The following ASTN2 variants were observed in gnomAD, a reference collection of about 807,000 sequenced individuals.
ASTN2 encodes astrotactin-2.
A neutral mutation model predicts 139.8 loss-of-function variants in ASTN2; 54 were observed. The observed-to-expected ratio is 0.39, with a 90% CI of 0.31 to 0.48. The LOEUF (loss-of-function observed/expected upper bound fraction) is 0.48. Among genes scored for constraint, ASTN2 ranks in the 20% least tolerant of loss-of-function variants. ASTN2 has a pLI of 0.95. For synonymous variants in ASTN2, 756 were observed against 719.5 expected (o/e 1.05, Z -0.81); for missense variants, 1,565 against 1,725.1 (o/e 0.91, Z 1.64).
chr9:116,894,206 C>T (rs539175096), intron 10 of ASTN2, among the ~76,000 whole-genome samples: 26 of 152,228 alleles, frequency 1.7e-4, no homozygotes, highest in African/African-American at 4.6e-4. Flanking sequence ...TGCCCCTGAA[C>T]CCAGAGTTTA....
At chr9:116,693,308 G>C (rs912498608) in intron 16 of ASTN2, among the ~76,000 whole-genome samples, 1 of 152,164 alleles carries the variant, frequency 6.6e-6, no homozygotes. Context: ...ACAGTGCTAA[G>C]ATATGATCTC....
At chr9:117,305,576 T>A (rs1587930976) in intron 1 of ASTN2, among the ~76,000 whole-genome samples, 2 of 152,288 alleles carry the variant, frequency 1.3e-5, no homozygotes, top group African/African-American at 4.8e-5. Context: ...ACTTTCATCA[T>A]ATAAACTGGT....
rs373378069 is a variant in ASTN2 at position 117,180,767 on chromosome 9, C to T, written c.1015+33591G>A. The stretch of plus-strand genomic sequence containing the variant: ...CTGGGGATGTACTTGACCCCACAGC[C>T]ATCAGGGATGAGCTGCTTCTCAGCC... On this transcript the variant is annotated intron_variant, in intron 3 of 22. Coordinates refer to ENST00000313400, the MANE Select transcript of ASTN2 (RefSeq NM_001365068.1). 157 of 1,566,042 alleles carry T rather than the reference C, an allele frequency of 1.0e-4. 1 individual carries two copies. In the East Asian group the frequency reaches 1.8e-3, roughly 18 times the overall value.
rs4838245 is a variant in ASTN2, at chr9:117,149,456, C to A, written c.1016-7978G>T. On this transcript the variant is annotated intron_variant, in intron 3 of 22. Coordinates refer to ENST00000313400, the MANE Select transcript of ASTN2 (RefSeq NM_001365068.1). ...GTTTGTGTGTGTGTGTGTATGTGTTCATGTCTTCTTGGTTCTGTTTCTCTA... is the reference window on the plus strand; with the variant it reads ...GTTTGTGTGTGTGTGTGTATGTGTTAATGTCTTCTTGGTTCTGTTTCTCTA... Among the ~76,000 whole-genome samples, 21 of 152,282 alleles carry A rather than the reference C, an allele frequency of 1.4e-4. No individual in the cohort carries two copies. In the East Asian group the frequency reaches 4.1e-3, roughly 29 times the overall value.
intron 1 of ASTN2, among the ~76,000 whole-genome samples, chr9:117,329,947 G>A (rs565865571): frequency 4.6e-5 from 7 of 152,244 alleles, no homozygotes; most frequent in African/African-American, 1.4e-4. Flanking sequence ...AATGGGAACT[G>A]TTATCGTTCT....
At chr9:116,972,193 C>A (rs1345622268) in intron 10 of ASTN2, among the ~76,000 whole-genome samples, 3 of 115,000 alleles carry the variant, frequency 2.6e-5, no homozygotes, top group African/African-American at 9.7e-5. Flanking sequence ...AATTAGTTTA[C>A]TCATTAATGA....
intron 13 of ASTN2, among the ~76,000 whole-genome samples, chr9:116,785,831 T>C (rs534771122): frequency 1.3e-5 from 2 of 152,282 alleles, no homozygotes; most frequent in East Asian, 3.9e-4. Context: ...GGAACTGCTT[T>C]CCCTGATTTC....
chr9:116,671,982 A>G (rs1223368835), intron 16 of ASTN2, among the ~76,000 whole-genome samples: 1 of 152,296 alleles, frequency 6.6e-6, no homozygotes, highest in Non-Finnish European at 1.5e-5. Context: ...GTGAGAGGGG[A>G]AAAAAAGTGT....
At chr9:116,444,539 G>T (rs1183005718) in intron 20 of ASTN2, among the ~76,000 whole-genome samples, 1 of 151,986 alleles carries the variant, frequency 6.6e-6, no homozygotes, top group Non-Finnish European at 1.5e-5. Flanking sequence ...GCTCCCACTC[G>T]CAGGCTCAGG....
At chr9:117,056,896 G>GT (rs1170349768) in intron 5 of ASTN2, among the ~76,000 whole-genome samples, 1 of 152,196 alleles carries the variant, frequency 6.6e-6, no homozygotes, top group Non-Finnish European at 1.5e-5. Context: ...TCCATTACTA[G>GT]TTGAGAATGC....
At chr9:117,184,736 C>T (rs186575454) in intron 3 of ASTN2, among the ~76,000 whole-genome samples, 1 of 152,246 alleles carries the variant, frequency 6.6e-6, no homozygotes, top group East Asian at 1.9e-4. Flanking sequence ...ACTCAGCTTC[C>T]ACTGATTTTA....
intron 4 of ASTN2, among the ~76,000 whole-genome samples, chr9:117,138,127 CTT>C (rs1483590323): frequency 6.6e-6 from 1 of 152,014 alleles, no homozygotes; most frequent in Non-Finnish European, 1.5e-5. Context: ...AAATATGAAT[CTT>C]ATATTTTAGA....
intron 4 of ASTN2, among the ~76,000 whole-genome samples, chr9:117,123,086 T>C (rs1829598962): frequency 6.6e-6 from 1 of 152,024 alleles, no homozygotes; most frequent in Non-Finnish European, 1.5e-5. Flanking sequence ...TCTCACTTAA[T>C]CATGTATCAG....
At chr9:117,243,332 CA>C (rs1426024205) in intron 2 of ASTN2, among the ~76,000 whole-genome samples, 1 of 152,206 alleles carries the variant, frequency 6.6e-6, no homozygotes, top group Admixed American at 6.5e-5. Context: ...ACTTATTTTA[CA>C]GAAGGGAAAC....
intron 2 of ASTN2, among the ~76,000 whole-genome samples, chr9:117,257,276 C>T (rs777632450): frequency 5.3e-5 from 8 of 152,140 alleles, no homozygotes; most frequent in African/African-American, 7.2e-5. Context: ...ACACTGACTT[C>T]GGGGCTGCAT....
chr9:116,565,387 C>CTA (rs1491583433), intron 19 of ASTN2, among the ~76,000 whole-genome samples: 22 of 42,092 alleles, frequency 5.2e-4, no homozygotes, highest in Non-Finnish European at 6.2e-4. Flanking sequence ...CTCTCTCTCT[C>CTA]CATATATATA....
At chr9:117,045,298 C>T (rs1439581203) in intron 5 of ASTN2, among the ~76,000 whole-genome samples, 1 of 145,742 alleles carries the variant, frequency 6.9e-6, no homozygotes, top group Admixed American at 6.9e-5. Flanking sequence ...TAAATGATAG[C>T]TGCAGATCAT....
At chr9:116,535,708 T>C (rs1387918602) in intron 19 of ASTN2, among the ~76,000 whole-genome samples, 1 of 152,164 alleles carries the variant, frequency 6.6e-6, no homozygotes, top group African/African-American at 2.4e-5. Flanking sequence ...GCTTGTAGAG[T>C]TTCTGCTGAG....
In ASTN2 at chr9:116,617,648, C is replaced by T. The variant is rs117230414; in HGVS notation, c.3355+676G>A. ...AGATGCTGAACAAAACATTTAGCTC[C>T]GTGCCTGGCACACAAAAAAACAGAT... On this transcript the variant is annotated intron_variant, in intron 19 of 22. Transcript: ENST00000313400. Among the ~76,000 whole-genome samples the T allele has an allele frequency of 6.5e-4, 99 of 152,246 alleles. 1 individual carries two copies. The East Asian group carries it at 0.011, about 17-fold the overall frequency.
Sources: gnomAD v4.1 joint callset for allele counts (sites outside exome capture counted in the v4.1 genomes callset) on GRCh38, gnomAD v4.1.1 for gene constraint, MANE v1.5 for transcripts, NCBI Gene and HGNC (gene_info 2026-07-23, HGNC 2026-07-21) for gene names.